Variants in LRFN5 observed in about 807,000 individuals in gnomAD.
LRFN5 encodes leucine rich repeat and fibronectin type III domain containing 5.
Under a neutral mutation model 45.6 loss-of-function variants are expected in LRFN5, and 24 were observed. The ratio of observed to expected loss-of-function variants is 0.53; its 90% confidence interval spans 0.38 to 0.74. The LOEUF (loss-of-function observed/expected upper bound fraction) is 0.74, where lower values mean the gene tolerates loss of function less well. Ranked by LOEUF, LRFN5 falls within the 30% of genes least tolerant of loss-of-function variation. The pLI is 0.00. For missense variants in LRFN5, 776 were observed against 861.5 expected (o/e 0.90, Z 1.24); for synonymous variants, 340 against 313.8 (o/e 1.08, Z -0.88).
intron 2 of LRFN5, among the ~76,000 whole-genome samples, chr14:41,882,583 C>A (rs921842787): frequency 6.6e-6 from 1 of 152,006 alleles, no homozygotes; most frequent in African/African-American, 2.4e-5. Flanking sequence ...TGATCTCTAC[C>A]CTCTTTCTAT....
At chr14:41,826,474 A>G (rs1266415941) in intron 2 of LRFN5, among the ~76,000 whole-genome samples, 10 of 152,074 alleles carry the variant, frequency 6.6e-5, no homozygotes, top group African/African-American at 2.4e-4. Flanking sequence ...TTTAGATGTC[A>G]TTTCGTCTGA....
intron 1 of LRFN5, among the ~76,000 whole-genome samples, chr14:41,712,487 A>G (rs906877107): frequency 6.6e-6 from 1 of 152,180 alleles, no homozygotes; most frequent in African/African-American, 2.4e-5. Context: ...TCTAAAATTG[A>G]TCCACAGATT....
intron 2 of LRFN5, among the ~76,000 whole-genome samples, chr14:41,802,056 G>A (rs1887354173): frequency 6.6e-6 from 1 of 152,128 alleles, no homozygotes; most frequent in Non-Finnish European, 1.5e-5. Flanking sequence ...TTTTGCAACT[G>A]ATTTAATGCG....
chr14:41,678,869 G>T (rs1165831330), intron 1 of LRFN5, among the ~76,000 whole-genome samples: 1 of 152,120 alleles, frequency 6.6e-6, no homozygotes, highest in East Asian at 1.9e-4. Flanking sequence ...AGACAGTCTT[G>T]AATCACCTAC....
At chr14:41,685,434 G>A (rs570159499) in intron 1 of LRFN5, among the ~76,000 whole-genome samples, 2 of 152,152 alleles carry the variant, frequency 1.3e-5, no homozygotes, top group South Asian at 2.1e-4. Flanking sequence ...AGAGAAAAAT[G>A]TGTTGCTTTT....
intron 2 of LRFN5, among the ~76,000 whole-genome samples, chr14:41,856,441 T>C (rs2139086865): frequency 6.6e-6 from 1 of 152,124 alleles, no homozygotes; most frequent in Non-Finnish European, 1.5e-5. Flanking sequence ...GAAAGACATT[T>C]AAATAGTGCA....
At chr14:41,830,054 T>G (rs1440299445) in intron 2 of LRFN5, among the ~76,000 whole-genome samples, 1 of 151,350 alleles carries the variant, frequency 6.6e-6, no homozygotes, top group East Asian at 1.9e-4. Context: ...GCTTTATTTA[T>G]CTTATATTTT....
chr14:41,866,885 T>A (rs1254473741), intron 2 of LRFN5, among the ~76,000 whole-genome samples: 1 of 152,132 alleles, frequency 6.6e-6, no homozygotes, highest in Non-Finnish European at 1.5e-5. Flanking sequence ...TTTTGATTAG[T>A]GAATCCAGAA....
intron 1 of LRFN5, among the ~76,000 whole-genome samples, chr14:41,712,794 T>G (rs1248693970): frequency 2.6e-5 from 4 of 152,124 alleles, no homozygotes; most frequent in African/African-American, 9.7e-5. Context: ...TTTTGAAGTT[T>G]AAAATAATAG....
intron 2 of LRFN5, among the ~76,000 whole-genome samples, chr14:41,833,970 G>A (rs138848264): frequency 2.5e-3 from 380 of 152,220 alleles, no homozygotes; most frequent in Non-Finnish European, 3.9e-3. Flanking sequence ...GATATGTGAG[G>A]GCATGATGTT....
intron 4 of LRFN5, among the ~76,000 whole-genome samples, chr14:41,895,717 T>C (rs1010071447): frequency 1.3e-5 from 2 of 152,120 alleles, no homozygotes; most frequent in African/African-American, 4.8e-5. Flanking sequence ...TTTTTTTTTT[T>C]TCCTAACCAT....
At chr14:41,851,165 A>G (rs1889252347) in intron 2 of LRFN5, among the ~76,000 whole-genome samples, 1 of 151,728 alleles carries the variant, frequency 6.6e-6, no homozygotes, top group Non-Finnish European at 1.5e-5. Flanking sequence ...AATGCATTCT[A>G]CTTTGGTGTC....
chr14:41,781,565 A>AAAG, intron 2 of LRFN5, among the ~76,000 whole-genome samples: 1 of 37,574 alleles, frequency 2.7e-5, no homozygotes, highest in East Asian at 1.7e-3. Context: ...AAAGAGAAAG[A>AAAG]AAGAAAGAAA....
intron 1 of LRFN5, among the ~76,000 whole-genome samples, chr14:41,679,325 G>T (rs1477271118): frequency 6.6e-6 from 1 of 152,126 alleles, no homozygotes; most frequent in Non-Finnish European, 1.5e-5. Flanking sequence ...AGGCAGCACA[G>T]CTAGCAGCTC....
chr14:41,744,560 C>A (rs1193783874), intron 1 of LRFN5, among the ~76,000 whole-genome samples: 1 of 151,970 alleles, frequency 6.6e-6, no homozygotes, highest in Non-Finnish European at 1.5e-5. Flanking sequence ...ACAGATTAAC[C>A]ACTCCAATTC....
rs1382005335 is a variant in LRFN5, at chr14:41,608,034, C to CT, written c.-723dup. On this transcript the variant is annotated 5_prime_UTR_variant, in exon 1 of 6. An upstream open reading frame in the 5' UTR gains an earlier in-frame stop. Transcript: ENST00000298119. ...CCTCCCCACCAAAATGTCACCAGCT[C>CT]TTGAATTACGTGGATTCGGGTTGGA... The CT allele has an allele frequency of 6.6e-6, 1 of 152,250 alleles. No individual in the cohort carries two copies. Among genetic ancestry groups the CT allele is most frequent in the Non-Finnish European group, 1.5e-5 (1 of 68,090 alleles). 9.4% of individuals were successfully genotyped at this position (152,250 alleles called of 1,614,324 possible).
chr14:41,816,229 T>A (rs1314616615), intron 2 of LRFN5, among the ~76,000 whole-genome samples: 4 of 152,124 alleles, frequency 2.6e-5, no homozygotes, highest in Non-Finnish European at 5.9e-5. Context: ...TCCTGTTCCT[T>A]ACATCATTGC....
intron 1 of LRFN5, among the ~76,000 whole-genome samples, chr14:41,727,452 A>G (rs1446258334): frequency 1.3e-5 from 2 of 149,670 alleles, no homozygotes; most frequent in East Asian, 4.3e-4. Context: ...AAATAAATAA[A>G]TAAATAAATA....
chr14:41,781,853 A>G (rs927853473), intron 2 of LRFN5, among the ~76,000 whole-genome samples: 4 of 151,980 alleles, frequency 2.6e-5, no homozygotes, highest in South Asian at 2.1e-4. Context: ...TCAGCATTTT[A>G]TGTATTCTAT....
Sources: gnomAD v4.1 joint callset for allele counts (sites outside exome capture counted in the v4.1 genomes callset) on GRCh38, gnomAD v4.1.1 for gene constraint, MANE v1.5 for transcripts, NCBI Gene and HGNC (gene_info 2026-07-23, HGNC 2026-07-21) for gene names.